SMC6: variants seen among roughly 807,000 people sequenced by gnomAD.
The protein encoded by SMC6 is structural maintenance of chromosomes protein 6.
SMC6 carries 79 observed loss-of-function variants against 142.2 expected under a neutral mutation model. The observed-to-expected ratio is 0.56, with a 90% confidence interval of 0.46 to 0.67. The LOEUF (loss-of-function observed/expected upper bound fraction) is 0.67. Among genes scored for constraint, SMC6 ranks in the 30% least tolerant of loss-of-function variants. The probability of loss-of-function intolerance (pLI) is 0.00; values close to 1 mark genes in which losing one functional copy is unlikely to be tolerated. For missense variants in SMC6, 1,072 were observed against 1,284.0 expected (o/e 0.83, Z 2.52); for synonymous variants, 411 against 412.4 (o/e 1.00, Z 0.04).
At chr2:17,732,868 G>T (rs912588932) in intron 5 of SMC6, among the ~76,000 whole-genome samples, 12 of 151,894 alleles carry the variant, frequency 7.9e-5, no homozygotes, top group Non-Finnish European at 1.5e-4. Flanking sequence ...TTTTAAAGAT[G>T]TTTTAGGGAC....
intron 2 of SMC6, among the ~76,000 whole-genome samples, chr2:17,748,988 T>C (rs944348500): frequency 1.3e-5 from 2 of 152,172 alleles, no homozygotes; most frequent in Non-Finnish European, 2.9e-5. Context: ...TGACCTGGGA[T>C]TTGCAGTTTG....
intron 2 of SMC6, among the ~76,000 whole-genome samples, chr2:17,750,980 G>A (rs1009701367): frequency 8.5e-6 from 1 of 118,030 alleles, no homozygotes; most frequent in African/African-American, 3.5e-5. Flanking sequence ...CCTCCAGCCT[G>A]GACAACAAGA....
rs976760255 is a variant in SMC6 at position 17,726,595 on chromosome 2, A to G, written c.544-126T>C. The stretch of plus-strand genomic sequence containing the variant: ...GAAGGCCAAGCAATAGCCAAAGGTT[A>G]TAACGTTAGGATAAAAATACTAAAA... On this transcript the variant is annotated intron_variant, in intron 7 of 27. Transcript: ENST00000448223. 4.7e-6 allele frequency: 3 copies of G among 642,490 alleles called. No homozygotes were observed. The African/African-American group carries it at 5.5e-5, about 12-fold the overall frequency. The allele number at this position is 642,490 out of a possible 1,614,324, so 39.8% of individuals were successfully genotyped here.
chr2:17,727,866 T>G (rs924916985), intron 7 of SMC6, among the ~76,000 whole-genome samples: 1 of 152,168 alleles, frequency 6.6e-6, no homozygotes, highest in Non-Finnish European at 1.5e-5. Flanking sequence ...ATAAAAAACA[T>G]TTATGTAGTT....
chr2:17,697,866 A>G (rs917642224), intron 21 of SMC6, among the ~76,000 whole-genome samples: 7 of 152,106 alleles, frequency 4.6e-5, no homozygotes, highest in Non-Finnish European at 7.4e-5. Context: ...ATACATATCT[A>G]TACAAAAACT....
At chr2:17,730,720 A>G in intron 7 of SMC6, among the ~76,000 whole-genome samples, 1 of 150,668 alleles carries the variant, frequency 6.6e-6, no homozygotes, top group East Asian at 1.9e-4. Context: ...CTCCTGCCTC[A>G]GCCTCCCAAG....
intron 24 of SMC6, 159 bp from the exon 25 acceptor site, chr2:17,679,123 C>A (rs1339899694): frequency 1.5e-5 from 8 of 517,848 alleles, no homozygotes; most frequent in Non-Finnish European, 2.0e-5. Context: ...GTATTTTTTG[C>A]CTTGTGTCTT....
intron 25 of SMC6, among the ~76,000 whole-genome samples, 160 bp from the exon 26 acceptor site, chr2:17,670,735 C>T (rs542040723): frequency 6.6e-6 from 1 of 152,306 alleles, no homozygotes; most frequent in Admixed American, 6.5e-5. Context: ...AAAAATTTTA[C>T]AGTAAAACAG....
rs752789138 is a variant in SMC6 at position 17,732,081 on chromosome 2, A to G, written c.345-204T>C. Reference sequence around the variant, plus strand: ...GCCTAACAAAAAAATAAAGTTGAGAATAAGTGAAGCTTCAAAAAAATAATT... The same window carrying G: ...GCCTAACAAAAAAATAAAGTTGAGAGTAAGTGAAGCTTCAAAAAAATAATT... On this transcript the variant is annotated intron_variant, in intron 5 of 27. Transcript: ENST00000448223. Among the ~76,000 whole-genome samples, 65 of 152,250 alleles carry G rather than the reference A, an allele frequency of 4.3e-4. 1 individual carries two copies. The highest frequency in any genetic ancestry group is 2.3e-3 in the Admixed American group (35 of 15,282).
rs35471536 is a variant in SMC6, at chr2:17,726,087, T to TAAAAAAAAAAAAAAA, written c.624+287_624+301dup. ...TGGAAGACAGAGCAAGGCTCTGTCT[T>TAAAAAAAAAAAAAAA]AAAAAAAAAAAAAAAAAAAAAAAAA... is the stretch of plus-strand genomic sequence containing the variant. On this transcript the variant is annotated intron_variant, in intron 8 of 27. Transcript: ENST00000448223. Among the ~76,000 whole-genome samples the TAAAAAAAAAAAAAAA allele has an allele frequency of 1.4e-3, 78 of 54,966 alleles. 11 individuals carry two copies. Among genetic ancestry groups the TAAAAAAAAAAAAAAA allele is most frequent in the African/African-American group, 6.3e-3 (70 of 11,032 alleles). The allele number at this position is 54,966 out of a possible 152,430, so 36.1% of individuals were successfully genotyped here.
At chr2:17,727,240 A>T (rs962645257) in intron 7 of SMC6, among the ~76,000 whole-genome samples, 6 of 152,164 alleles carry the variant, frequency 3.9e-5, no homozygotes, top group Admixed American at 6.5e-5. Context: ...GGAAAGGCAG[A>T]TCCATCCTTA....
intron 16 of SMC6, chr2:17,713,490 G>T: frequency 2.1e-6 from 1 of 471,156 alleles, no homozygotes. Flanking sequence ...CAATGTGCCA[G>T]CAAGGCAGTG....
At chr2:17,713,250 G>A (rs1668917564) in intron 16 of SMC6, 1 of 307,990 alleles carries the variant, frequency 3.2e-6, no homozygotes, top group African/African-American at 2.2e-5. Flanking sequence ...AAATCCTGCA[G>A]CCACTAGGCT....
intron 22 of SMC6, 126 bp downstream of exon 22, chr2:17,696,163 T>G: frequency 8.3e-7 from 1 of 1,203,594 alleles, no homozygotes; most frequent in East Asian, 2.5e-5. Flanking sequence ...AAACACCTAT[T>G]ACTCTATATG....
At chr2:17,670,369 A>T in intron 26 of SMC6, 54 bp downstream of exon 26, 1 of 1,540,008 alleles carries the variant, frequency 6.5e-7, no homozygotes, top group Non-Finnish European at 8.8e-7. Flanking sequence ...CTTTAGAAAT[A>T]CATGTTTCAA....
Position 17,685,622 on chromosome 2 carries a change from T to A in SMC6, c.2679-1859A>T, listed in dbSNP as rs56154526. ...ATAAACTCCAAATAAATCACAGATA[T>A]ACAAAAATGGACATATAGAAGTACT... On this transcript the variant is annotated intron_variant, in intron 23 of 27. Coordinates refer to ENST00000448223, the MANE Select transcript of SMC6 (RefSeq NM_001142286.2). 2.6e-4 allele frequency among the ~76,000 whole-genome samples: 40 copies of A among 151,856 alleles called. No individual in the cohort carries two copies. In the South Asian group the frequency reaches 7.9e-3, roughly 30 times the overall value.
At chr2:17,705,543 AG>A (rs1480494442) in intron 18 of SMC6, among the ~76,000 whole-genome samples, 1 of 151,420 alleles carries the variant, frequency 6.6e-6, no homozygotes. Flanking sequence ...ACTCTAGCCT[AG>A]GTGACAGAGT....
chr2:17,724,964 G>A (rs1669542365), intron 9 of SMC6, among the ~76,000 whole-genome samples: 1 of 152,084 alleles, frequency 6.6e-6, no homozygotes, highest in South Asian at 2.1e-4. Context: ...CCTTATTGTG[G>A]AACCCATTAG....
rs1168890470 is a variant in SMC6, at chr2:17,700,288, G to A, written c.2314C>T (p.Leu772=). Residue 772 remains leucine, a synonymous_variant, in exon 21 of 28, where the codon CTG becomes TTG. Transcript: ENST00000448223. ...TACTTATTTTCTGCTTCTATTTTCA[G>A]ACTTTTAAGATGCTCCATATTTTCT... ...QKENMEHLKS[L]KIEAENKYDA... 3 of 1,610,892 alleles carry A rather than the reference G, an allele frequency of 1.9e-6. No individual in the cohort carries two copies. Among genetic ancestry groups the A allele is most frequent in the Non-Finnish European group, 1.7e-6 (2 of 1,178,300 alleles).
Sources: allele counts gnomAD v4.1 joint callset (sites outside exome capture counted in the v4.1 genomes callset), GRCh38; gene constraint gnomAD v4.1.1; transcripts MANE v1.5; gene names NCBI Gene and HGNC (gene_info 2026-07-23, HGNC 2026-07-21).